Variants in NVL observed in about 807,000 individuals in gnomAD.
The protein encoded by NVL is nuclear valosin-containing protein-like.
In NVL, 84 loss-of-function variants were observed where a neutral mutation model predicts 110.2. The ratio of observed to expected loss-of-function variants is 0.76; its 90% confidence interval spans 0.64 to 0.91. The LOEUF (loss-of-function observed/expected upper bound fraction) is 0.91. Among genes scored for constraint, NVL ranks in the 40% least tolerant of loss-of-function variants. The pLI, the probability that NVL is intolerant of heterozygous loss-of-function variation, is 0.00. For missense variants in NVL, 882 were observed against 1,035.9 expected (o/e 0.85, Z 2.04); for synonymous variants, 354 against 361.1 (o/e 0.98, Z 0.22).
chr1:224,325,643 G>T (rs1381949425), intron 2 of NVL, among the ~76,000 whole-genome samples: 2 of 152,122 alleles, frequency 1.3e-5, no homozygotes, highest in Non-Finnish European at 2.9e-5. Flanking sequence ...TGAGGCAGGA[G>T]AATTGCTTGA....
chr1:224,322,243 A>ATTT (rs34841668), intron 2 of NVL, among the ~76,000 whole-genome samples: 5 of 131,796 alleles, frequency 3.8e-5, no homozygotes, highest in Non-Finnish European at 6.5e-5. Context: ...TGCCACGCTA[A>ATTT]TTTTTTTTTT....
intron 12 of NVL, among the ~76,000 whole-genome samples, chr1:224,293,890 T>G (rs1213867345): frequency 1.3e-5 from 2 of 152,218 alleles, no homozygotes; most frequent in African/African-American, 4.8e-5. Flanking sequence ...CATAACTTAC[T>G]GCAGCCTTGA....
At chr1:224,305,887 T>C (rs1199012990) in intron 6 of NVL, among the ~76,000 whole-genome samples, 1 of 152,274 alleles carries the variant, frequency 6.6e-6, no homozygotes, top group Admixed American at 6.5e-5. Flanking sequence ...CCCAAGACAC[T>C]GCATTTGCAG....
chr1:224,250,729 G>A (rs1197595483), intron 18 of NVL, among the ~76,000 whole-genome samples: 5 of 152,088 alleles, frequency 3.3e-5, no homozygotes, highest in South Asian at 2.1e-4. Flanking sequence ...TCTTTCCCTC[G>A]AGTCCACAAA....
Position 224,308,282 on chromosome 1 carries a change from A to C in NVL, c.343-19T>G, listed in dbSNP as rs201355320. The C allele has an allele frequency of 2.3e-5, 37 of 1,581,992 alleles. No homozygotes were observed. In the Middle Eastern group the frequency reaches 2.2e-3, roughly 94 times the overall value. On this transcript the variant is annotated intron_variant, in intron 5 of 22. Coordinates refer to ENST00000281701, the MANE Select transcript of NVL (RefSeq NM_002533.4). ...TTGCTGACTGGCAGAAAGATAAAAC[A>C]AAATTGTAGCATAAATTACTCAACA...
intron 14 of NVL, among the ~76,000 whole-genome samples, chr1:224,286,603 G>A (rs1277844769): frequency 6.6e-6 from 1 of 152,160 alleles, no homozygotes; most frequent in Non-Finnish European, 1.5e-5. Context: ...AAAAGTCCCT[G>A]CACTTGAGGA....
intron 17 of NVL, among the ~76,000 whole-genome samples, chr1:224,273,509 A>G (rs1665412363): frequency 6.6e-6 from 1 of 152,170 alleles, no homozygotes; most frequent in Non-Finnish European, 1.5e-5. Flanking sequence ...TTCCTTAAAA[A>G]AAAGAGAGAG....
chr1:224,299,283 T>G (rs1338729965), intron 10 of NVL, among the ~76,000 whole-genome samples: 1 of 152,180 alleles, frequency 6.6e-6, no homozygotes, highest in Non-Finnish European at 1.5e-5. Context: ...AGCACATCAG[T>G]ACTTGTCAGT....
chr1:224,303,862 C>A lies in NVL; in HGVS notation c.826-5G>T. On this transcript the variant is annotated splice_polypyrimidine_tract_variant and splice_region_variant and intron_variant, in intron 8 of 22. Transcript: ENST00000281701. ...TATGAGCATCTTGCAGACCTCCTAGCAGAGGATAAGCACAAAGATGTCTTT... is the reference window on the plus strand; with the variant it reads ...TATGAGCATCTTGCAGACCTCCTAGAAGAGGATAAGCACAAAGATGTCTTT... 2 of 1,604,278 alleles carry A rather than the reference C, an allele frequency of 1.2e-6. No individual in the cohort carries two copies. Among genetic ancestry groups the A allele is most frequent in the Non-Finnish European group, 1.7e-6 (2 of 1,175,238 alleles).
At chr1:224,284,616 G>C (rs1666679999) in intron 15 of NVL, among the ~76,000 whole-genome samples, 1 of 152,116 alleles carries the variant, frequency 6.6e-6, no homozygotes, top group Non-Finnish European at 1.5e-5. Context: ...ATGGCCTCAA[G>C]TGATCCACCC....
chr1:224,313,046 C>A, intron 4 of NVL: 1 of 372,708 alleles, frequency 2.7e-6, no homozygotes, highest in South Asian at 2.0e-5. Flanking sequence ...GTAATCCCAG[C>A]TACCTGTGAG....
intron 18 of NVL, among the ~76,000 whole-genome samples, chr1:224,252,239 T>A (rs1378774177): frequency 6.6e-6 from 1 of 152,088 alleles, no homozygotes; most frequent in African/African-American, 2.4e-5. Context: ...GAAGTTTTCC[T>A]TGAGTCCCCC....
At chr1:224,246,338 GTACTT>G (rs1371663429) in intron 19 of NVL, among the ~76,000 whole-genome samples, 1 of 152,082 alleles carries the variant, frequency 6.6e-6, no homozygotes, top group African/African-American at 2.4e-5. Flanking sequence ...CCGAAGTGGG[GTACTT>G]TAAATATTCA....
intron 22 of NVL, among the ~76,000 whole-genome samples, chr1:224,229,819 T>C (rs1659667153): frequency 6.6e-6 from 1 of 152,064 alleles, no homozygotes; most frequent in South Asian, 2.1e-4. Flanking sequence ...TTGAAGTGTG[T>C]TTTTTCTTCT....
At chr1:224,296,454 T>C in intron 11 of NVL, 47 bp downstream of exon 11, 1 of 1,005,288 alleles carries the variant, frequency 9.9e-7, no homozygotes, top group South Asian at 1.7e-5. Context: ...ATTACACTAT[T>C]TTAAAAAATT....
At chr1:224,236,787 T>C (rs776732881) in intron 19 of NVL, 8 of 460,132 alleles carry the variant, frequency 1.7e-5, no homozygotes, top group Admixed American at 3.4e-5. Flanking sequence ...GGTATGCACC[T>C]GTAGTCCCAG....
intron 18 of NVL, among the ~76,000 whole-genome samples, chr1:224,260,909 T>C (rs1477033198): frequency 1.3e-5 from 2 of 151,972 alleles, no homozygotes; most frequent in Non-Finnish European, 2.9e-5. Flanking sequence ...AGAGTCTTGC[T>C]CTGTCACCCA....
chr1:224,256,597 T>C (rs1663285767), intron 18 of NVL, among the ~76,000 whole-genome samples: 1 of 152,174 alleles, frequency 6.6e-6, no homozygotes, highest in African/African-American at 2.4e-5. Context: ...CTTAATATTA[T>C]GCAGTTTATT....
chr1:224,249,027 T>C (rs1422900823), intron 19 of NVL, among the ~76,000 whole-genome samples: 1 of 152,184 alleles, frequency 6.6e-6, no homozygotes, highest in Non-Finnish European at 1.5e-5. Context: ...CTTAGCTCCC[T>C]CTCCCATCCC....
Sources: allele counts gnomAD v4.1 joint callset (sites outside exome capture counted in the v4.1 genomes callset), GRCh38; gene constraint gnomAD v4.1.1; transcripts MANE v1.5; gene names NCBI Gene and HGNC (gene_info 2026-07-23, HGNC 2026-07-21).